ZCCHC17: variants seen among roughly 807,000 people sequenced by gnomAD.
ZCCHC17 encodes the protein zinc finger CCHC domain-containing protein 17.
Under a neutral mutation model 30.6 loss-of-function variants are expected in ZCCHC17, and 18 were observed. The observed-to-expected ratio is 0.59, with a 90% CI of 0.41 to 0.87. The LOEUF (loss-of-function observed/expected upper bound fraction) is 0.87. Among genes scored for constraint, ZCCHC17 ranks in the 40% least tolerant of loss-of-function variants. The pLI is 0.00. For synonymous variants in ZCCHC17, 88 were observed against 92.4 expected (o/e 0.95, Z 0.27); for missense variants, 263 against 284.2 (o/e 0.93, Z 0.54).
chr1:31,321,617 G>A (rs1461861274), intron 3 of ZCCHC17, among the ~76,000 whole-genome samples: 1 of 152,148 alleles, frequency 6.6e-6, no homozygotes, highest in East Asian at 1.9e-4. Context: ...TGGGATTACA[G>A]GCATGTGCCA....
At chr1:31,330,234 C>T (rs1040230144) in intron 3 of ZCCHC17, among the ~76,000 whole-genome samples, 3 of 152,180 alleles carry the variant, frequency 2.0e-5, no homozygotes, top group Non-Finnish European at 4.4e-5. Context: ...TTTAAGGGGA[C>T]TATAATGGGC....
At chr1:31,320,455 A>G (rs565315720) in intron 3 of ZCCHC17, among the ~76,000 whole-genome samples, 53 of 152,278 alleles carry the variant, frequency 3.5e-4, no homozygotes, top group African/African-American at 1.2e-3. Flanking sequence ...GAAACCCTGT[A>G]CCTATTAGCC....
chr1:31,360,388 C>T (rs1040879035), intron 7 of ZCCHC17, among the ~76,000 whole-genome samples: 2 of 152,204 alleles, frequency 1.3e-5, no homozygotes, highest in East Asian at 1.9e-4. Context: ...AGGCTAGTCT[C>T]GACCTCCTGA....
intron 3 of ZCCHC17, among the ~76,000 whole-genome samples, chr1:31,325,694 A>G (rs1017125454): frequency 2.6e-5 from 4 of 152,376 alleles, no homozygotes; most frequent in African/African-American, 9.6e-5. Flanking sequence ...AGCGCAGCCC[A>G]TTAGACCAAG....
At chr1:31,359,792 C>A (rs977290010) in intron 7 of ZCCHC17, among the ~76,000 whole-genome samples, 1 of 152,102 alleles carries the variant, frequency 6.6e-6, no homozygotes, top group Non-Finnish European at 1.5e-5. Flanking sequence ...CACTCCTATG[C>A]CATTTAAAAA....
At chr1:31,320,220 T>A (rs949224504) in intron 3 of ZCCHC17, among the ~76,000 whole-genome samples, 3 of 152,210 alleles carry the variant, frequency 2.0e-5, no homozygotes, top group Non-Finnish European at 2.9e-5. Flanking sequence ...ACAACCTGGA[T>A]CATCCCTCTC....
At position 31,310,150 on chromosome 1, in the gene ZCCHC17, A is replaced by G. The variant is rs756969815; in HGVS notation, c.52A>G (p.Ile18Val). 1.7e-5 allele frequency: 28 copies of G among 1,613,944 alleles called. No homozygotes were observed. Among genetic ancestry groups the G allele is most frequent in the Admixed American group, 3.3e-5 (2 of 59,986 alleles). Residue 18 changes from isoleucine to valine, a missense_variant, in exon 2 of 8, where the codon ATT becomes GTT. Physicochemically the swap from Ile to Val is conservative, Grantham distance 29 (BLOSUM62 3). Transcript: ENST00000344147. ...TMENLPALYT[I>V]FQGEVAMVTD... is the part of the protein sequence containing the mutation. ...GGAAAACTTGCCTGCTCTCTACACT[A>G]TTTTCCAAGGAGAGGTATATTCTTT...
chr1:31,346,993 T>A (rs548470923), intron 6 of ZCCHC17, among the ~76,000 whole-genome samples: 32 of 152,268 alleles, frequency 2.1e-4, no homozygotes, highest in African/African-American at 7.5e-4. Flanking sequence ...AGCATATGCC[T>A]TGTCTGGGCA....
rs576323071 is a variant in ZCCHC17 at position 31,317,255 on chromosome 1, C to A, written c.67-1854C>A. ...GGCCAGGCTGGTCTCGAACTCCTGA[C>A]CTCAGGTGATCCACCTGCCTCGCCC... On this transcript the variant is annotated intron_variant, in intron 2 of 7. Transcript: ENST00000344147. Among the ~76,000 whole-genome samples, 8 of 152,196 alleles carry A rather than the reference C, an allele frequency of 5.3e-5. No homozygotes were observed. The South Asian group carries it at 1.7e-3, about 32-fold the overall frequency.
Position 31,300,734 on chromosome 1 carries a change from G to A in ZCCHC17, c.-56+3659G>A, listed in dbSNP as rs531484439. Among the ~76,000 whole-genome samples the A allele has an allele frequency of 9.9e-5, 15 of 151,996 alleles. No homozygotes were observed. The South Asian group carries it at 2.7e-3, about 27-fold the overall frequency. ...GTGGATCACCTGAGGTCAGGAGTTC[G>A]AGACCATCCTGACCAATATGGTGAA... On this transcript the variant is annotated intron_variant, in intron 1 of 7. Coordinates refer to ENST00000344147, the MANE Select transcript of ZCCHC17 (RefSeq NM_016505.4).
In ZCCHC17 at chr1:31,313,887, CAG is replaced by C. The variant is rs1029352179; in HGVS notation, c.66+3726_66+3727del. Among the ~76,000 whole-genome samples, 152 of 148,552 alleles carry C rather than the reference CAG, an allele frequency of 1.0e-3. 1 individual carries two copies. Among genetic ancestry groups the C allele is most frequent in the Admixed American group, 4.0e-4 (6 of 14,890 alleles). Reference sequence around the variant, plus strand: ...CTTCTTTCTCTTTTTTTTTTTTGGACAGAGTCTCACTCTGTCACTCAGGCTGG... The same window carrying C: ...CTTCTTTCTCTTTTTTTTTTTTGGACAGTCTCACTCTGTCACTCAGGCTGG... On this transcript the variant is annotated intron_variant, in intron 2 of 7. Coordinates refer to ENST00000344147, the MANE Select transcript of ZCCHC17 (RefSeq NM_016505.4).
At chr1:31,320,143 G>A (rs953018443) in intron 3 of ZCCHC17, among the ~76,000 whole-genome samples, 1 of 152,050 alleles carries the variant, frequency 6.6e-6, no homozygotes, top group Non-Finnish European at 1.5e-5. Flanking sequence ...ACTTAGACTG[G>A]TAGATTCATA....
intron 2 of ZCCHC17, among the ~76,000 whole-genome samples, chr1:31,317,006 C>T (rs903845938): frequency 2.2e-4 from 33 of 148,668 alleles, no homozygotes; most frequent in Non-Finnish European, 4.7e-4. Context: ...GACCGAGGTT[C>T]TATCCCTAAC....
intron 3 of ZCCHC17, among the ~76,000 whole-genome samples, chr1:31,319,428 C>T (rs61780097): frequency 2.6e-5 from 4 of 152,074 alleles, no homozygotes; most frequent in African/African-American, 9.7e-5. Flanking sequence ...CACCTGTGAC[C>T]CTAGGCAAAT....
chr1:31,351,148 A>T lies in ZCCHC17; in HGVS notation c.564+2174A>T, dbSNP rs188475234. ...TTCTACCTTTCTATCATATATTATT[A>T]CCTATTAATGTCAGCAATACTCTCC... is the stretch of plus-strand genomic sequence containing the variant. On this transcript the variant is annotated intron_variant, in intron 7 of 7. Coordinates refer to ENST00000344147, the MANE Select transcript of ZCCHC17 (RefSeq NM_016505.4). Among the ~76,000 whole-genome samples, 17 of 152,250 alleles carry T rather than the reference A, an allele frequency of 1.1e-4. No individual in the cohort carries two copies. The East Asian group carries it at 3.3e-3, about 29-fold the overall frequency.
At chr1:31,318,091 C>T in intron 2 of ZCCHC17, 3 of 1,101,624 alleles carry the variant, frequency 2.7e-6, no homozygotes, top group South Asian at 3.1e-5. Flanking sequence ...TATTATTTTG[C>T]ATATAGTGAG....
chr1:31,334,361 G>A (rs1288716665), intron 3 of ZCCHC17, among the ~76,000 whole-genome samples: 1 of 148,308 alleles, frequency 6.7e-6, no homozygotes, highest in African/African-American at 2.5e-5. Flanking sequence ...GTGTGTGTGT[G>A]TGTGTGTGTG....
intron 3 of ZCCHC17, among the ~76,000 whole-genome samples, chr1:31,324,134 A>G (rs991760116): frequency 6.6e-6 from 1 of 152,232 alleles, no homozygotes; most frequent in East Asian, 1.9e-4. Flanking sequence ...AAGTGAGAGG[A>G]AAAGAAAGTG....
At chr1:31,299,359 G>A (rs1566963) in intron 1 of ZCCHC17, among the ~76,000 whole-genome samples, 84,672 of 152,068 alleles carry the variant, frequency 0.56, 24,341 homozygotes, top group Non-Finnish European at 0.62. Context: ...CATATCCAGC[G>A]GTTTAGTGCA....
Sources: gnomAD v4.1 joint callset for allele counts (sites outside exome capture counted in the v4.1 genomes callset) on GRCh38, gnomAD v4.1.1 for gene constraint, MANE v1.5 for transcripts, NCBI Gene and HGNC (gene_info 2026-07-23, HGNC 2026-07-21) for gene names.